EVA1A: variants seen among roughly 807,000 people sequenced by gnomAD.
EVA1A encodes eva-1 homolog A, regulator of programmed cell death, also known as protein eva-1 homolog A.
EVA1A carries 7 observed loss-of-function variants against 9.8 expected under a neutral mutation model. The ratio of observed to expected loss-of-function variants is 0.71; its 90% CI spans 0.41 to 1.34. EVA1A has a LOEUF of 1.34. Ranked by LOEUF, EVA1A falls within the 40% of genes most tolerant of loss-of-function variation. EVA1A has a pLI of 0.01. For missense variants in EVA1A, 206 were observed against 205.9 expected (o/e 1.00, Z 0.00); for synonymous variants, 90 against 85.6 (o/e 1.05, Z -0.28).
upstream of EVA1A, among the ~76,000 whole-genome samples, chr2:75,565,311 G>A (rs973225429): frequency 6.6e-6 from 1 of 152,126 alleles, no homozygotes; most frequent in Non-Finnish European, 1.5e-5. Flanking sequence ...TAATTACAAT[G>A]TGCTGTTAGG....
chr2:75,567,311 A>C (rs952865877), intron 1 of EVA1A, among the ~76,000 whole-genome samples: 1 of 152,234 alleles, frequency 6.6e-6, no homozygotes, highest in African/African-American at 2.4e-5. Flanking sequence ...AGGATACATA[A>C]GAGTTTGGAA....
intron 3 of EVA1A, among the ~76,000 whole-genome samples, chr2:75,513,880 G>A (rs539642326): frequency 1.2e-4 from 18 of 152,270 alleles, no homozygotes; most frequent in African/African-American, 3.4e-4. Flanking sequence ...GTAAGATAAC[G>A]TCTATGTGTT....
chr2:75,495,348 T>A (rs1330865720), intron 3 of EVA1A, among the ~76,000 whole-genome samples: 4 of 152,066 alleles, frequency 2.6e-5, no homozygotes, highest in African/African-American at 9.7e-5. Flanking sequence ...TTTGTGAGCA[T>A]GAGGATGAGA....
chr2:75,534,265 T>A (rs1245604560), intron 1 of EVA1A, among the ~76,000 whole-genome samples: 2 of 151,890 alleles, frequency 1.3e-5, no homozygotes, highest in East Asian at 3.9e-4. Flanking sequence ...TAAGTTAAAA[T>A]GAAAAATTAA....
intron 3 of EVA1A, among the ~76,000 whole-genome samples, chr2:75,501,544 C>T (rs185432615): frequency 2.5e-4 from 38 of 152,218 alleles, no homozygotes; most frequent in African/African-American, 9.2e-4. Context: ...GCTTAGTATG[C>T]CCTGGCAACA....
intron 3 of EVA1A, among the ~76,000 whole-genome samples, chr2:75,501,964 C>T (rs1440708915): frequency 6.6e-6 from 1 of 152,160 alleles, no homozygotes; most frequent in Non-Finnish European, 1.5e-5. Context: ...CCCCTCAACC[C>T]AAGGAAGACA....
intron 3 of EVA1A, among the ~76,000 whole-genome samples, chr2:75,513,020 C>T (rs1253929704): frequency 6.6e-6 from 1 of 152,198 alleles, no homozygotes; most frequent in Non-Finnish European, 1.5e-5. Flanking sequence ...AGGAGATCTA[C>T]TGGAACCTCC....
chr2:75,554,937 T>C (rs1262590631), intron 1 of EVA1A, among the ~76,000 whole-genome samples: 2 of 152,206 alleles, frequency 1.3e-5, no homozygotes, highest in Non-Finnish European at 2.9e-5. Context: ...CTTTTCTATC[T>C]CTTCCTTCAG....
chr2:75,540,500 C>T (rs895722404), intron 1 of EVA1A, among the ~76,000 whole-genome samples: 1 of 152,192 alleles, frequency 6.6e-6, no homozygotes, highest in Admixed American at 6.5e-5. Context: ...CTGCTGGCTT[C>T]AGCCTACCCA....
At chr2:75,546,667 T>G (rs1676340213) in intron 1 of EVA1A, among the ~76,000 whole-genome samples, 1 of 152,060 alleles carries the variant, frequency 6.6e-6, no homozygotes, top group South Asian at 2.1e-4. Flanking sequence ...GAAAGGGTCA[T>G]GTTAGGGGTT....
chr2:75,497,850 CA>C (rs33933086), intron 3 of EVA1A, among the ~76,000 whole-genome samples: 5 of 66,854 alleles, frequency 7.5e-5, no homozygotes, highest in Non-Finnish European at 1.0e-4. Context: ...GATCCTGTCT[CA>C]AAAAAAAAAA....
In EVA1A at chr2:75,493,374, CA is replaced by C; in HGVS notation, c.320del (p.Leu107Ter). ...CCGCAGAGGTGAACACATTCTTGTTCAAAGTCCTCTCGAAGCGGCGGTGTCT... is the reference window on the plus strand; with the variant it reads ...CCGCAGAGGTGAACACATTCTTGTTCAAGTCCTCTCGAAGCGGCGGTGTCT... ...VRRHRRFERT[L>X]NKNVFTSAEE... On this transcript the variant is annotated frameshift_variant, in exon 4 of 4. Transcript: ENST00000393913. LOFTEE classifies it high-confidence loss of function. 6.2e-7 allele frequency: 1 copy of C among 1,614,240 alleles called. No homozygotes were observed.
At chr2:75,495,298 G>T (rs980695306) in intron 3 of EVA1A, among the ~76,000 whole-genome samples, 1 of 152,166 alleles carries the variant, frequency 6.6e-6, no homozygotes, top group Non-Finnish European at 1.5e-5. Flanking sequence ...AGCACATTGT[G>T]GGGGCAACCA....
At chr2:75,508,319 G>C (rs953939369) in intron 3 of EVA1A, among the ~76,000 whole-genome samples, 2 of 152,126 alleles carry the variant, frequency 1.3e-5, no homozygotes, top group Non-Finnish European at 2.9e-5. Flanking sequence ...TCTTTCAAAA[G>C]CAAATGGGAG....
intron 2 of EVA1A, 147 bp from the exon 3 acceptor site, chr2:75,518,355 G>T: frequency 1.1e-6 from 1 of 892,730 alleles, no homozygotes; most frequent in Non-Finnish European, 1.6e-6. Flanking sequence ...ACCCTCTCTG[G>T]CCAGCCCCAC....
At chr2:75,539,553 G>A (rs1295519935) in intron 1 of EVA1A, among the ~76,000 whole-genome samples, 2 of 152,238 alleles carry the variant, frequency 1.3e-5, no homozygotes, top group East Asian at 1.9e-4. Flanking sequence ...TGCAGCAGAA[G>A]GAATTTAACG....
chr2:75,534,024 G>A (rs1056536966), intron 1 of EVA1A, among the ~76,000 whole-genome samples: 2 of 151,882 alleles, frequency 1.3e-5, no homozygotes. Flanking sequence ...GTGTTAGCCA[G>A]GATGGTCTCG....
chr2:75,558,234 T>C (rs75635408), intron 1 of EVA1A, among the ~76,000 whole-genome samples: 11,179 of 152,256 alleles, frequency 0.073, 876 homozygotes, highest in African/African-American at 0.2. Context: ...TGAATGATTA[T>C]TATTCCATTA....
chr2:75,508,534 A>C (rs1461695553), intron 3 of EVA1A, among the ~76,000 whole-genome samples: 2 of 152,128 alleles, frequency 1.3e-5, no homozygotes, highest in Non-Finnish European at 2.9e-5. Flanking sequence ...TCTCCTGATA[A>C]GATGTTATCA....
Sources: allele counts gnomAD v4.1 joint callset (sites outside exome capture counted in the v4.1 genomes callset), GRCh38; gene constraint gnomAD v4.1.1; transcripts MANE v1.5; gene names NCBI Gene and HGNC (gene_info 2026-07-23, HGNC 2026-07-21).